Variants in PCDHA5 observed in about 807,000 individuals in gnomAD.
The protein encoded by PCDHA5 is protocadherin alpha 5.
In PCDHA5, 43 loss-of-function variants were observed where a neutral mutation model predicts 61.6. The observed-to-expected ratio is 0.70, with a 90% CI of 0.55 to 0.90. The LOEUF (loss-of-function observed/expected upper bound fraction) is 0.90. Among genes scored for constraint, PCDHA5 ranks in the 40% least tolerant of loss-of-function variants. The pLI is 0.00. For synonymous variants in PCDHA5, 627 were observed against 543.9 expected (o/e 1.15, Z -2.13); for missense variants, 1,298 against 1,222.7 (o/e 1.06, Z -0.92).
At chr5:140,918,640 G>C (rs2078789038) in intron 1 of PCDHA5, among the ~76,000 whole-genome samples, 1 of 152,132 alleles carries the variant, frequency 6.6e-6, no homozygotes, top group Admixed American at 6.5e-5. Flanking sequence ...TTCATAAATT[G>C]AAACCTAATT....
At chr5:140,945,760 G>T (rs2093839081) in intron 1 of PCDHA5, among the ~76,000 whole-genome samples, 2 of 152,154 alleles carry the variant, frequency 1.3e-5, no homozygotes, top group East Asian at 1.9e-4. Flanking sequence ...AAATGGTGGT[G>T]GGACAATTTG....
At chr5:140,917,876 C>CT (rs575141569) in intron 1 of PCDHA5, among the ~76,000 whole-genome samples, 41 of 147,132 alleles carry the variant, frequency 2.8e-4, no homozygotes, top group Admixed American at 1.6e-3. Context: ...TATTTGGGCT[C>CT]TTTTTTTTTT....
chr5:140,834,137 A>G, intron 1 of PCDHA5: 1 of 496,492 alleles, frequency 2.0e-6, no homozygotes. Context: ...TCATCTGATT[A>G]ATAGTTTGTA....
At chr5:140,857,691 T>C (rs189067845) in intron 1 of PCDHA5, 2 of 1,597,004 alleles carry the variant, frequency 1.3e-6, no homozygotes, top group Non-Finnish European at 1.7e-6. Context: ...GGCAGCAACT[T>C]GACGCTGCAG....
chr5:141,002,284 A>T (rs1334096097), intron 3 of PCDHA5, among the ~76,000 whole-genome samples: 1 of 152,180 alleles, frequency 6.6e-6, no homozygotes, highest in Non-Finnish European at 1.5e-5. Flanking sequence ...CAAAGGGATG[A>T]ATGGGGAGCA....
At chr5:140,828,229 C>A in intron 1 of PCDHA5, 1 of 1,613,968 alleles carries the variant, frequency 6.2e-7, no homozygotes, top group Non-Finnish European at 8.5e-7. Context: ...CCTTCGTGGG[C>A]CGGATCGCGC....
At chr5:140,840,754 G>A (rs1776856171) in intron 1 of PCDHA5, among the ~76,000 whole-genome samples, 1 of 152,010 alleles carries the variant, frequency 6.6e-6, no homozygotes. Flanking sequence ...AAGAACACAA[G>A]AAGATAAAAT....
chr5:140,968,637 T>C, intron 1 of PCDHA5: 1 of 1,614,208 alleles, frequency 6.2e-7, no homozygotes. Flanking sequence ...TTTTACCATC[T>C]AGCCCAGACT....
intron 3 of PCDHA5, among the ~76,000 whole-genome samples, chr5:140,987,213 CAA>C (rs58319157): frequency 9.3e-5 from 11 of 118,826 alleles, no homozygotes; most frequent in African/African-American, 1.6e-4. Flanking sequence ...GACTCCATCT[CAA>C]AAAAAAAAAA....
chr5:140,849,557 G>A (rs2150440607), intron 1 of PCDHA5: 1 of 1,598,482 alleles, frequency 6.3e-7, no homozygotes. Flanking sequence ...CTATCAAAAC[G>A]CTCTCGGTTC....
chr5:140,985,346 A>G (rs2097147411), intron 3 of PCDHA5, among the ~76,000 whole-genome samples: 1 of 152,186 alleles, frequency 6.6e-6, no homozygotes, highest in African/African-American at 2.4e-5. Flanking sequence ...GCAGGCCCAG[A>G]TATAGACCCT....
chr5:140,879,012 T>C (rs2057811303), intron 1 of PCDHA5, among the ~76,000 whole-genome samples: 1 of 152,236 alleles, frequency 6.6e-6, no homozygotes, highest in African/African-American at 2.4e-5. Flanking sequence ...AGAAATCAGA[T>C]AATGTTTTAT....
intron 1 of PCDHA5, among the ~76,000 whole-genome samples, chr5:140,916,213 T>A (rs2077480691): frequency 6.6e-6 from 1 of 152,134 alleles, no homozygotes; most frequent in Non-Finnish European, 1.5e-5. Context: ...CTGGGGAAGA[T>A]CCAAATATGC....
At chr5:140,929,331 C>G in intron 1 of PCDHA5, 1 of 1,534,960 alleles carries the variant, frequency 6.5e-7, no homozygotes, top group Non-Finnish European at 8.8e-7. Context: ...CCATGGTAAG[C>G]AAATTTTATG....
chr5:140,822,576 T>C lies in PCDHA5; in HGVS notation c.801T>C (p.Asp267=), dbSNP rs1047981826. The change falls in exon 1 of 4, where the codon GAT becomes GAC. Residue 267 remains aspartate, a synonymous_variant. Transcript: ENST00000529859. ...GTLVIKLNAS[D]ADEGINKEIV... ...TAGTTATTAAACTGAACGCCTCAGATGCAGATGAGGGCATCAATAAGGAAA... is the reference window on the plus strand; with the variant it reads ...TAGTTATTAAACTGAACGCCTCAGACGCAGATGAGGGCATCAATAAGGAAA... 1.2e-6 allele frequency: 2 copies of C among 1,612,800 alleles called. No individual in the cohort carries two copies. Among genetic ancestry groups the C allele is most frequent in the Non-Finnish European group, 1.7e-6 (2 of 1,178,932 alleles).
chr5:140,884,327 G>A (rs1400364790), intron 1 of PCDHA5: 1 of 1,613,894 alleles, frequency 6.2e-7, no homozygotes, highest in Non-Finnish European at 8.5e-7. Context: ...GGCAGGCGCT[G>A]TGGGTCCAGA....
Position 140,869,844 on chromosome 5 carries a change from T to C in PCDHA5, c.2352+45717T>C, listed in dbSNP as rs782664707. The C allele has an allele frequency of 1.3e-5, 21 of 1,611,376 alleles. No individual in the cohort carries two copies. The South Asian group carries it at 1.7e-4, about 13-fold the overall frequency. ...ATCCAGAGTTTGATAAATCAGAATA[T>C]AAGGTGAGCCTTATGGAAAATGCTG... On this transcript the variant is annotated intron_variant, in intron 1 of 3. Transcript: ENST00000529859.
At position 140,822,925 on chromosome 5, in the gene PCDHA5, G is replaced by T. The variant is rs1160143508; in HGVS notation, c.1150G>T (p.Val384Leu). 2 of 1,614,144 alleles carry T rather than the reference G, an allele frequency of 1.2e-6. No individual in the cohort carries two copies. Among genetic ancestry groups the T allele is most frequent in the East Asian group, 4.5e-5 (2 of 44,902 alleles). The change falls in exon 1 of 4, where the codon GTG (valine) becomes TTG (leucine). Residue 384 changes from valine to leucine, a missense_variant. Physicochemically the swap from Val to Leu is conservative, Grantham distance 32. Coordinates refer to ENST00000529859, the MANE Select transcript of PCDHA5 (RefSeq NM_018908.3). ...SDRDSGANGQ[V>L]TCSLMPHVPF... Reference sequence around the variant, plus strand: ...CCGTGACTCAGGTGCCAACGGGCAGGTGACCTGCTCCCTAATGCCCCACGT... The same window carrying T: ...CCGTGACTCAGGTGCCAACGGGCAGTTGACCTGCTCCCTAATGCCCCACGT...
chr5:140,909,771 C>T (rs907087409), intron 1 of PCDHA5, among the ~76,000 whole-genome samples: 49 of 152,200 alleles, frequency 3.2e-4, no homozygotes, highest in African/African-American at 1.1e-3. Flanking sequence ...TCCAGGGACC[C>T]ACTGGACCCA....
Sources: allele counts gnomAD v4.1 joint callset (sites outside exome capture counted in the v4.1 genomes callset), GRCh38; gene constraint gnomAD v4.1.1; transcripts MANE v1.5; gene names NCBI Gene and HGNC (gene_info 2026-07-23, HGNC 2026-07-21).